USP46: variants seen among roughly 807,000 people sequenced by gnomAD.
USP46 encodes ubiquitin specific peptidase 46.
Under a neutral mutation model 44.4 loss-of-function variants are expected in USP46, and 12 were observed. That is an observed-to-expected ratio of 0.27 (90% CI 0.17 to 0.44). USP46 has a LOEUF of 0.44. USP46 is among the 20% of genes least tolerant of loss of function. The pLI, the probability that USP46 is intolerant of heterozygous loss-of-function variation, is 1.00. For missense variants in USP46, 248 were observed against 444.8 expected (o/e 0.56, Z 3.98); for synonymous variants, 155 against 161.5 (o/e 0.96, Z 0.31).
chr4:52,650,565 G>T (rs1718717223), intron 1 of USP46, among the ~76,000 whole-genome samples: 1 of 152,140 alleles, frequency 6.6e-6, no homozygotes, highest in African/African-American at 2.4e-5. Context: ...ACAGTAATAT[G>T]TCTAAAAATA....
chr4:52,632,118 G>A (rs1717851902), intron 1 of USP46, among the ~76,000 whole-genome samples: 1 of 152,136 alleles, frequency 6.6e-6, no homozygotes, highest in Admixed American at 6.5e-5. Context: ...CACGGACAAG[G>A]AACTTAAGAC....
At chr4:52,598,189 T>C (rs1161693814) in intron 8 of USP46, among the ~76,000 whole-genome samples, 1 of 152,254 alleles carries the variant, frequency 6.6e-6, no homozygotes, top group East Asian at 1.9e-4. Flanking sequence ...ATACATAGAA[T>C]GTATTGGTAT....
intron 5 of USP46, among the ~76,000 whole-genome samples, chr4:52,606,696 G>A (rs563985993): frequency 6.6e-5 from 10 of 152,304 alleles, no homozygotes; most frequent in African/African-American, 1.9e-4. Context: ...CCTGGACTAT[G>A]CTACCAAGAA....
intron 1 of USP46, among the ~76,000 whole-genome samples, chr4:52,647,991 C>G (rs1718614550): frequency 1.3e-5 from 2 of 152,188 alleles, no homozygotes; most frequent in South Asian, 4.1e-4. Flanking sequence ...AATGCCCAGG[C>G]AACAGGCTAA....
At position 52,597,635 on chromosome 4, in the gene USP46, T is replaced by C. The variant is rs1194089042; in HGVS notation, c.*5A>G. 2 of 1,562,690 alleles carry C rather than the reference T, an allele frequency of 1.3e-6. No homozygotes were observed. Among genetic ancestry groups the C allele is most frequent in the East Asian group, 4.6e-5 (2 of 43,422 alleles). On this transcript the variant is annotated 3_prime_UTR_variant, in exon 9 of 9. Transcript: ENST00000441222. Reference sequence around the variant, plus strand: ...CCACGTGAATCAGTCCCGCAGGTCTTTCAGTTACTCTCTTGACTGATAGAA... The same window carrying C: ...CCACGTGAATCAGTCCCGCAGGTCTCTCAGTTACTCTCTTGACTGATAGAA...
At chr4:52,657,831 T>C (rs1719012718) in intron 1 of USP46, among the ~76,000 whole-genome samples, 1 of 152,194 alleles carries the variant, frequency 6.6e-6, no homozygotes, top group Non-Finnish European at 1.5e-5. Flanking sequence ...GCACGTCCCA[T>C]TGTGCTGAAA....
rs1293775353 is a variant in USP46, at chr4:52,625,823, C to T, written c.561+195G>A. On this transcript the variant is annotated intron_variant, in intron 4 of 8. Transcript: ENST00000441222. ...GAGGAGATTTTCCTTTATTATTCAG[C>T]TTTGGCCTGCTGAGACATCCTGGAT... Among the ~76,000 whole-genome samples, 4 of 152,198 alleles carry T rather than the reference C, an allele frequency of 2.6e-5. No individual in the cohort carries two copies. The East Asian group carries it at 7.7e-4, about 29-fold the overall frequency.
intron 7 of USP46, 33 bp from the exon 8 acceptor site, chr4:52,598,739 G>C: frequency 6.4e-7 from 1 of 1,563,962 alleles, no homozygotes; most frequent in South Asian, 1.2e-5. Context: ...CAGTTAGCAA[G>C]TTAACATTTA....
intron 4 of USP46, among the ~76,000 whole-genome samples, chr4:52,618,623 T>TCA (rs1276098337): frequency 6.6e-6 from 1 of 152,210 alleles, no homozygotes; most frequent in Admixed American, 6.5e-5. Flanking sequence ...ATTCCTTTCT[T>TCA]GGGTTCAGTA....
intron 4 of USP46, among the ~76,000 whole-genome samples, chr4:52,622,206 G>A (rs1717403207): frequency 6.6e-6 from 1 of 152,156 alleles, no homozygotes; most frequent in Admixed American, 6.5e-5. Context: ...TACACAGTGG[G>A]TTTCAAAGTT....
chr4:52,613,293 C>G (rs894164313), intron 4 of USP46, among the ~76,000 whole-genome samples: 3 of 152,212 alleles, frequency 2.0e-5, no homozygotes, highest in Admixed American at 2.0e-4. Context: ...GGAATACACA[C>G]AAAGCAACCT....
At chr4:52,621,421 T>C (rs529616784) in intron 4 of USP46, among the ~76,000 whole-genome samples, 34 of 152,262 alleles carry the variant, frequency 2.2e-4, no homozygotes, top group African/African-American at 8.2e-4. Flanking sequence ...TTTGTGAGGC[T>C]GAGGTGGGCA....
At chr4:52,608,787 T>C (rs1716802677) in intron 5 of USP46, among the ~76,000 whole-genome samples, 1 of 152,128 alleles carries the variant, frequency 6.6e-6, no homozygotes, top group Non-Finnish European at 1.5e-5. Flanking sequence ...TGCTTCCCAA[T>C]AACCTGGGGA....
intron 7 of USP46, among the ~76,000 whole-genome samples, chr4:52,601,603 T>C (rs1716474365): frequency 6.6e-6 from 1 of 152,224 alleles, no homozygotes; most frequent in South Asian, 2.1e-4. Flanking sequence ...TTCATAACCA[T>C]CGTTTTCATG....
intron 7 of USP46, among the ~76,000 whole-genome samples, chr4:52,601,559 A>G (rs758937091): frequency 3.9e-5 from 6 of 152,374 alleles, no homozygotes; most frequent in Admixed American, 6.5e-5. Context: ...AAATCATAGC[A>G]TAGACATTTA....
chr4:52,641,472 T>G (rs1470402210), intron 1 of USP46, among the ~76,000 whole-genome samples: 3 of 152,058 alleles, frequency 2.0e-5, no homozygotes, highest in Non-Finnish European at 4.4e-5. Flanking sequence ...GATTCATAAA[T>G]GCATAAGACG....
At chr4:52,621,507 T>C (rs559737017) in intron 4 of USP46, among the ~76,000 whole-genome samples, 3 of 152,054 alleles carry the variant, frequency 2.0e-5, no homozygotes, top group Non-Finnish European at 4.4e-5. Context: ...AATACAAAAA[T>C]TAGCCGGGCG....
intron 1 of USP46, among the ~76,000 whole-genome samples, chr4:52,635,561 C>A (rs1020479543): frequency 1.3e-5 from 2 of 152,198 alleles, no homozygotes; most frequent in African/African-American, 2.4e-5. Context: ...CAGAAAAAAA[C>A]CATTAACTAT....
At chr4:52,621,279 T>C (rs1560399831) in intron 4 of USP46, among the ~76,000 whole-genome samples, 1 of 152,104 alleles carries the variant, frequency 6.6e-6, no homozygotes. Context: ...AAATCGTAGA[T>C]CTCACAATCC....
Sources: allele counts gnomAD v4.1 joint callset (sites outside exome capture counted in the v4.1 genomes callset), GRCh38; gene constraint gnomAD v4.1.1; transcripts MANE v1.5; gene names NCBI Gene and HGNC (gene_info 2026-07-23, HGNC 2026-07-21).